FSHR: variants seen among roughly 807,000 people sequenced by gnomAD.
FSHR encodes follicle stimulating hormone receptor.
Under a neutral mutation model 52.1 loss-of-function variants are expected in FSHR, and 46 were observed. The observed-to-expected ratio is 0.88, with a 90% CI of 0.70 to 1.13. FSHR has a LOEUF of 1.13. Among genes scored for constraint, FSHR ranks in the 50% most tolerant of loss-of-function variants. The pLI is 0.00. For synonymous variants in FSHR, 399 were observed against 309.6 expected, an observed-to-expected ratio of 1.29 and a Z score of -3.03; for missense variants, 964 against 834.6, an observed-to-expected ratio of 1.16 and a Z score of -1.91.
chr2:49,119,860 A>G (rs1671746004), intron 1 of FSHR, among the ~76,000 whole-genome samples: 1 of 152,226 alleles, frequency 6.6e-6, no homozygotes, highest in South Asian at 2.1e-4. Context: ...GCCCATCTGC[A>G]AACTGGGACT....
chr2:49,014,555 C>T (rs1667412031), intron 4 of FSHR: 1 of 188,088 alleles, frequency 5.3e-6, no homozygotes, highest in Admixed American at 5.6e-5. Flanking sequence ...TCTCCCCTGC[C>T]CTCATCTCCT....
intron 2 of FSHR, among the ~76,000 whole-genome samples, chr2:49,046,360 G>C (rs928645862): frequency 1.3e-5 from 2 of 152,150 alleles, no homozygotes; most frequent in Non-Finnish European, 2.9e-5. Context: ...AAATATCTCA[G>C]AATAGTAGAT....
At chr2:48,986,574 C>T (rs1675526300) in intron 6 of FSHR, among the ~76,000 whole-genome samples, 1 of 152,112 alleles carries the variant, frequency 6.6e-6, no homozygotes, top group South Asian at 2.1e-4. Flanking sequence ...ATTGTTTCCA[C>T]AAAAGTGAGT....
chr2:49,120,582 C>G (rs1671778342), intron 1 of FSHR, among the ~76,000 whole-genome samples: 1 of 152,178 alleles, frequency 6.6e-6, no homozygotes, highest in African/African-American at 2.4e-5. Context: ...CTCCATAGCA[C>G]TCTAGCAATC....
chr2:48,970,069 G>T (rs1674669912), intron 8 of FSHR, among the ~76,000 whole-genome samples: 1 of 152,162 alleles, frequency 6.6e-6, no homozygotes. Context: ...GTAAATCAAA[G>T]CAGTAGGCAC....
At position 49,016,971 on chromosome 2, in the gene FSHR, A is replaced by G. The variant is rs182706648; in HGVS notation, c.374+518T>C. ...ATCCGAAAGCCATTTGAGTAGAGGAAGCAGTGCTTTTGCTGATAGGGGCAG... is the reference window on the plus strand; with the variant it reads ...ATCCGAAAGCCATTTGAGTAGAGGAGGCAGTGCTTTTGCTGATAGGGGCAG... On this transcript the variant is annotated intron_variant, in intron 4 of 9. Transcript: ENST00000406846. Among the ~76,000 whole-genome samples, 602 of 152,312 alleles carry G rather than the reference A, an allele frequency of 4.0e-3. 2 individuals carry two copies. The highest frequency in any genetic ancestry group is 6.5e-3 in the Non-Finnish European group (444 of 68,032).
Position 49,117,002 on chromosome 2 carries a change from A to T in FSHR, c.152+37264T>A, listed in dbSNP as rs1671624124. 2.0e-5 allele frequency among the ~76,000 whole-genome samples: 3 copies of T among 152,224 alleles called. No individual in the cohort carries two copies. In the South Asian group the frequency reaches 6.2e-4, roughly 32 times the overall value. Reference sequence around the variant, plus strand: ...AAAACCAAGCTTGGGAGAGGGAAGCATTCTTCCCCTTCTTTGCCTACCATT... The same window carrying T: ...AAAACCAAGCTTGGGAGAGGGAAGCTTTCTTCCCCTTCTTTGCCTACCATT... On this transcript the variant is annotated intron_variant, in intron 1 of 9. Transcript: ENST00000406846.
intron 1 of FSHR, among the ~76,000 whole-genome samples, chr2:49,151,229 C>A (rs543586147): frequency 1.4e-5 from 2 of 145,300 alleles, no homozygotes; most frequent in South Asian, 4.4e-4. Context: ...ATAAAAGATT[C>A]AAATTTGGAT....
At chr2:49,080,764 A>G (rs1670136830) in intron 1 of FSHR, among the ~76,000 whole-genome samples, 2 of 152,166 alleles carry the variant, frequency 1.3e-5, no homozygotes, top group Non-Finnish European at 2.9e-5. Context: ...GTGGTGGCTA[A>G]TGCCCAGAGA....
intron 1 of FSHR, among the ~76,000 whole-genome samples, chr2:49,138,981 A>G (rs1672580896): frequency 6.6e-6 from 1 of 152,194 alleles, no homozygotes; most frequent in Non-Finnish European, 1.5e-5. Flanking sequence ...TCGTCTGTGC[A>G]ATAGCAAGCT....
At position 48,990,638 on chromosome 2, in the gene FSHR, C is replaced by G; in HGVS notation, c.375-1G>C. On this transcript the variant is annotated splice_acceptor_variant, in intron 4 of 9. Coordinates refer to ENST00000406846, the MANE Select transcript of FSHR (RefSeq NM_000145.4). LOFTEE classifies it high-confidence loss of function. ...CTTAATACCTGTGTTGGATATTAAC[C>G]TAGAGAGAAACAAAATGAGAGTGAG... The G allele has an allele frequency of 1.3e-6, 2 of 1,593,336 alleles. No homozygotes were observed. Among genetic ancestry groups the G allele is most frequent in the Non-Finnish European group, 1.7e-6 (2 of 1,161,374 alleles).
intron 1 of FSHR, among the ~76,000 whole-genome samples, 187 bp downstream of exon 1, chr2:49,154,079 C>T (rs1403418828): frequency 1.1e-4 from 17 of 152,178 alleles, no homozygotes. Context: ...TACAAACTCT[C>T]ATCTAAGATT....
At chr2:49,002,336 C>G (rs915864363) in intron 4 of FSHR, among the ~76,000 whole-genome samples, 1 of 152,108 alleles carries the variant, frequency 6.6e-6, no homozygotes, top group African/African-American at 2.4e-5. Flanking sequence ...TTTACAATAA[C>G]CTTTTGTTAA....
At chr2:48,998,271 G>C (rs1278779297) in intron 4 of FSHR, among the ~76,000 whole-genome samples, 1 of 152,066 alleles carries the variant, frequency 6.6e-6, no homozygotes, top group Middle Eastern at 3.4e-3. Flanking sequence ...GTATATTAAT[G>C]AGGAGGAAGG....
At chr2:49,106,952 A>G (rs1671245061) in intron 1 of FSHR, among the ~76,000 whole-genome samples, 1 of 152,144 alleles carries the variant, frequency 6.6e-6, no homozygotes, top group Non-Finnish European at 1.5e-5. Context: ...ATACTAATTT[A>G]CTTGTGCCAT....
At chr2:49,056,540 A>T (rs963140608) in intron 2 of FSHR, among the ~76,000 whole-genome samples, 1 of 151,360 alleles carries the variant, frequency 6.6e-6, no homozygotes, top group Non-Finnish European at 1.5e-5. Flanking sequence ...ACCTAAAGGG[A>T]GAGATAGACC....
Position 48,962,812 on chromosome 2 carries a change from C to G in FSHR, c.2009G>C (p.Gly670Ala). 6.2e-7 allele frequency: 1 copy of G among 1,614,094 alleles called. No homozygotes were observed. Among genetic ancestry groups the G allele is most frequent in the Non-Finnish European group, 8.5e-7 (1 of 1,179,994 alleles). The change falls in exon 10 of 10, where the codon GGC becomes GCC. Residue 670 changes from glycine (G) to alanine (A), a missense_variant. Gly to Ala is a moderately conservative substitution (Grantham distance 60). Transcript: ENST00000406846. ...GACTCTGGGAGCTGAAGAGCAGTGG[C>G]CATTCCTTGGATGGGTGTTGTGGAC... Reference protein sequence around the residue: ...STVHNTHPRNGHCSSAPRVTS... With the variant: ...STVHNTHPRNAHCSSAPRVTS...
At chr2:49,118,451 G>A (rs1006395348) in intron 1 of FSHR, among the ~76,000 whole-genome samples, 70 of 152,192 alleles carry the variant, frequency 4.6e-4, no homozygotes, top group African/African-American at 1.6e-3. Context: ...CTTTCACATG[G>A]CAGCAGTGGG....
At chr2:49,039,924 GT>G (rs11338274) in intron 2 of FSHR, among the ~76,000 whole-genome samples, 113,956 of 150,108 alleles carry the variant, frequency 0.76, 43,670 homozygotes, top group Non-Finnish European at 0.82. Flanking sequence ...TACATTGGTG[GT>G]TTTTTTTTTT....
Sources: gnomAD v4.1 joint callset for allele counts (sites outside exome capture counted in the v4.1 genomes callset) on GRCh38, gnomAD v4.1.1 for gene constraint, MANE v1.5 for transcripts, NCBI Gene and HGNC (gene_info 2026-07-23, HGNC 2026-07-21) for gene names.